PTPRG: variants seen among roughly 807,000 people sequenced by gnomAD.
The protein encoded by PTPRG is receptor-type tyrosine-protein phosphatase gamma.
PTPRG carries 102 observed loss-of-function variants against 165.3 expected under a neutral mutation model. The observed-to-expected ratio is 0.62, with a 90% CI of 0.53 to 0.73. PTPRG has a LOEUF of 0.73. PTPRG is among the 30% of genes least tolerant of loss of function. PTPRG has a pLI of 0.00. For missense variants in PTPRG, 1,866 were observed against 1,861.4 expected (o/e 1.00, Z -0.05); for synonymous variants, 675 against 669.5 (o/e 1.01, Z -0.13).
intron 1 of PTPRG, among the ~76,000 whole-genome samples, chr3:61,608,322 C>T (rs1701070091): frequency 6.6e-6 from 1 of 152,216 alleles, no homozygotes; most frequent in Non-Finnish European, 1.5e-5. Flanking sequence ...CAGACCCTAG[C>T]TCCAGGTTGG....
At chr3:61,789,006 T>C (rs945105326) in intron 2 of PTPRG, among the ~76,000 whole-genome samples, 1 of 152,228 alleles carries the variant, frequency 6.6e-6, no homozygotes, top group Non-Finnish European at 1.5e-5. Flanking sequence ...TTAGGTGCTG[T>C]GTCTTAATAC....
rs545959733 is a variant in PTPRG, at chr3:61,864,156, CT to C, written c.190+115176del. On this transcript the variant is annotated intron_variant, in intron 2 of 29. Coordinates refer to ENST00000474889, the MANE Select transcript of PTPRG (RefSeq NM_002841.4). ...TTAGGAGAACACAGTCAAACAATCC[CT>C]TCAAAATCCTCTCTTTGAACCTGTC... Among the ~76,000 whole-genome samples, 33 of 152,296 alleles carry C rather than the reference CT, an allele frequency of 2.2e-4. 1 individual carries two copies. Among genetic ancestry groups the C allele is most frequent in the Admixed American group, 1.9e-3 (29 of 15,310 alleles).
At chr3:61,623,311 G>A (rs13070013) in intron 1 of PTPRG, among the ~76,000 whole-genome samples, 13,350 of 152,116 alleles carry the variant, frequency 0.088, 709 homozygotes, top group East Asian at 0.21. Flanking sequence ...CTCCTTGGGC[G>A]AGGTTCTGAT....
intron 4 of PTPRG, among the ~76,000 whole-genome samples, chr3:62,075,403 C>G (rs1259754618): frequency 6.6e-6 from 1 of 152,148 alleles, no homozygotes; most frequent in Non-Finnish European, 1.5e-5. Context: ...AATATTAAAC[C>G]ATTCTAATCT....
chr3:62,010,343 A>C (rs1023932840), intron 4 of PTPRG, among the ~76,000 whole-genome samples: 2 of 149,160 alleles, frequency 1.3e-5, no homozygotes, highest in Non-Finnish European at 3.0e-5. Context: ...GTTTTCCCAA[A>C]CTTACATGGC....
chr3:61,978,812 C>T (rs746737513), intron 2 of PTPRG, among the ~76,000 whole-genome samples: 1 of 152,192 alleles, frequency 6.6e-6, no homozygotes, highest in South Asian at 2.1e-4. Context: ...GACCAAGTTC[C>T]AATAAAACTG....
rs576660017 is a variant in PTPRG, at chr3:62,048,254, A to G, written c.520-29909A>G. Among the ~76,000 whole-genome samples the G allele has an allele frequency of 5.9e-4, 90 of 152,318 alleles. 1 individual carries two copies. The highest frequency in any genetic ancestry group is 2.1e-3 in the African/African-American group (87 of 41,580). On this transcript the variant is annotated intron_variant, in intron 4 of 29. Coordinates refer to ENST00000474889, the MANE Select transcript of PTPRG (RefSeq NM_002841.4). Reference sequence around the variant, plus strand: ...TCCTAGAATTAGAGAAAATATATCCACATGAGGCAGTGTCTACACAAGCCA... The same window carrying G: ...TCCTAGAATTAGAGAAAATATATCCGCATGAGGCAGTGTCTACACAAGCCA...
At chr3:61,660,336 G>T (rs1255934970) in intron 1 of PTPRG, among the ~76,000 whole-genome samples, 3 of 152,250 alleles carry the variant, frequency 2.0e-5, no homozygotes, top group Non-Finnish European at 2.9e-5. Context: ...GCAGGTGGCA[G>T]CTTGCTGTGA....
At chr3:62,204,045 G>T (rs192305388) in intron 12 of PTPRG, 95 bp downstream of exon 12, 1 of 1,471,230 alleles carries the variant, frequency 6.8e-7, no homozygotes, top group African/African-American at 1.4e-5. Context: ...GCTTCAGAAG[G>T]TACTTAATAT....
chr3:61,920,496 A>C (rs970571863), intron 2 of PTPRG, among the ~76,000 whole-genome samples: 6 of 152,170 alleles, frequency 3.9e-5, no homozygotes, highest in African/African-American at 1.4e-4. Context: ...CCCGGGTTCA[A>C]GTAATTCTCC....
At chr3:62,164,051 T>C (rs1437970542) in intron 7 of PTPRG, among the ~76,000 whole-genome samples, 2 of 152,218 alleles carry the variant, frequency 1.3e-5, no homozygotes, top group East Asian at 3.9e-4. Flanking sequence ...GATCACTGTT[T>C]AGCTATTAAC....
chr3:61,758,147 C>T (rs1186604286), intron 2 of PTPRG, among the ~76,000 whole-genome samples: 1 of 134,676 alleles, frequency 7.4e-6, no homozygotes, highest in Non-Finnish European at 1.7e-5. Context: ...GCGCACACCA[C>T]CACACCTGGC....
intron 1 of PTPRG, among the ~76,000 whole-genome samples, chr3:61,600,585 G>A (rs1472817919): frequency 6.6e-6 from 1 of 152,158 alleles, no homozygotes; most frequent in Non-Finnish European, 1.5e-5. Context: ...TGTCACCCAG[G>A]CTGGAGTGCA....
chr3:62,124,935 A>G (rs907706774), intron 5 of PTPRG, among the ~76,000 whole-genome samples: 3 of 152,106 alleles, frequency 2.0e-5, no homozygotes, highest in Non-Finnish European at 2.9e-5. Context: ...CCCTCAAGGG[A>G]AGGTGATTAC....
At chr3:61,715,021 A>G (rs1053869457) in intron 1 of PTPRG, among the ~76,000 whole-genome samples, 1 of 152,208 alleles carries the variant, frequency 6.6e-6, no homozygotes, top group East Asian at 1.9e-4. Flanking sequence ...AGCTCCCAGA[A>G]TAGAGAGGCA....
intron 4 of PTPRG, among the ~76,000 whole-genome samples, chr3:62,055,018 G>C (rs549574897): frequency 2.0e-5 from 3 of 152,184 alleles, no homozygotes; most frequent in Admixed American, 6.5e-5. Flanking sequence ...TTTGAATCTT[G>C]AAAGATGATG....
At chr3:61,659,560 C>G (rs1462816860) in intron 1 of PTPRG, 7 of 651,764 alleles carry the variant, frequency 1.1e-5, no homozygotes, top group Non-Finnish European at 1.3e-5. Context: ...TAAACACTTT[C>G]TTGGTAACCT....
intron 1 of PTPRG, among the ~76,000 whole-genome samples, chr3:61,660,670 G>A (rs1463507370): frequency 3.9e-5 from 6 of 152,036 alleles, no homozygotes; most frequent in African/African-American, 1.2e-4. Context: ...AGTATAACAC[G>A]GCGTCTACGG....
intron 17 of PTPRG, among the ~76,000 whole-genome samples, chr3:62,265,121 A>G (rs1701823445): frequency 6.6e-6 from 1 of 152,066 alleles, no homozygotes; most frequent in African/African-American, 2.4e-5. Context: ...ATCCTTTACC[A>G]TTTTTTAACT....
Sources: gnomAD v4.1 joint callset for allele counts (sites outside exome capture counted in the v4.1 genomes callset) on GRCh38, gnomAD v4.1.1 for gene constraint, MANE v1.5 for transcripts, NCBI Gene and HGNC (gene_info 2026-07-23, HGNC 2026-07-21) for gene names.